The following CNTNAP3 variants were observed in gnomAD, a reference collection of about 807,000 sequenced individuals.
CNTNAP3 encodes the protein contactin associated protein family member 3.
Under a neutral mutation model 92.1 loss-of-function variants are expected in CNTNAP3, and 36 were observed. That is an observed-to-expected ratio of 0.39 (90% CI 0.30 to 0.52). CNTNAP3 has a LOEUF of 0.52. Ranked by LOEUF, CNTNAP3 falls within the 20% of genes least tolerant of loss-of-function variation. CNTNAP3 has a pLI of 0.76. For missense variants in CNTNAP3, 534 were observed against 1,069.6 expected, an observed-to-expected ratio of 0.50 and a Z score of 6.98; for synonymous variants, 232 against 422.3, an observed-to-expected ratio of 0.55 and a Z score of 5.53.
intron 9 of CNTNAP3, among the ~76,000 whole-genome samples, chr9:39,151,755 G>A (rs1011695269): frequency 3.4e-5 from 5 of 147,654 alleles, no homozygotes; most frequent in African/African-American, 1.3e-4. Context: ...TGTATATTAT[G>A]AAATTATATA....
intron 13 of CNTNAP3, among the ~76,000 whole-genome samples, chr9:39,129,219 G>A (rs1379670210): frequency 2.0e-5 from 3 of 152,154 alleles, no homozygotes; most frequent in African/African-American, 7.2e-5. Flanking sequence ...AAAGCAGGAG[G>A]AATAACTCAA....
At chr9:39,124,766 A>G (rs949870379) in intron 13 of CNTNAP3, among the ~76,000 whole-genome samples, 2 of 152,212 alleles carry the variant, frequency 1.3e-5, no homozygotes, top group African/African-American at 4.8e-5. Flanking sequence ...AATGCTCATC[A>G]TCACTGGCCA....
At chr9:39,159,588 TC>T (rs1470526740) in intron 9 of CNTNAP3, 1 of 140,342 alleles carries the variant, frequency 7.1e-6, no homozygotes, top group Non-Finnish European at 1.5e-5. Context: ...GGCCTCAGCC[TC>T]CCAGAGTGCT....
chr9:39,129,185 TAAAC>T (rs1445390815), intron 13 of CNTNAP3, among the ~76,000 whole-genome samples: 6 of 152,168 alleles, frequency 3.9e-5, no homozygotes, highest in Non-Finnish European at 8.8e-5. Flanking sequence ...CAGACTTACT[TAAAC>T]AATCTTGAAA....
intron 14 of CNTNAP3, among the ~76,000 whole-genome samples, chr9:39,115,611 G>T (rs971498568): frequency 6.6e-6 from 1 of 151,438 alleles, no homozygotes; most frequent in Admixed American, 6.6e-5. Flanking sequence ...ATAAAATAAG[G>T]TTAAAAAGCA....
At chr9:39,083,170 C>G (rs565295474) in intron 21 of CNTNAP3, among the ~76,000 whole-genome samples, 1 of 152,062 alleles carries the variant, frequency 6.6e-6, no homozygotes, top group African/African-American at 2.4e-5. Context: ...ATATCTAGAG[C>G]TCTATTTGAA....
chr9:39,091,855 TG>T (rs1278052869), intron 18 of CNTNAP3, among the ~76,000 whole-genome samples: 4 of 151,880 alleles, frequency 2.6e-5, no homozygotes, highest in African/African-American at 9.7e-5. Flanking sequence ...TGAAACCATC[TG>T]GACCTGGGCT....
chr9:39,121,287 A>C (rs1821012982), intron 13 of CNTNAP3, among the ~76,000 whole-genome samples: 3 of 152,252 alleles, frequency 2.0e-5, no homozygotes, highest in Middle Eastern at 6.8e-3. Context: ...CTTCAGAACA[A>C]AAATACTAGA....
chr9:39,117,815 T>A (rs1458645594), intron 14 of CNTNAP3: 6 of 406,410 alleles, frequency 1.5e-5, no homozygotes, highest in Non-Finnish European at 2.7e-5. Flanking sequence ...TAACTAAACT[T>A]CGCAGAGAAT....
intron 12 of CNTNAP3, among the ~76,000 whole-genome samples, chr9:39,137,921 G>GT (rs1207724437): frequency 6.6e-6 from 1 of 151,616 alleles, no homozygotes; most frequent in Non-Finnish European, 1.5e-5. Context: ...GTGCAGTGGT[G>GT]TGACCATGGC....
intron 14 of CNTNAP3, among the ~76,000 whole-genome samples, chr9:39,110,715 A>G (rs1826725062): frequency 6.6e-6 from 1 of 152,140 alleles, no homozygotes; most frequent in Non-Finnish European, 1.5e-5. Context: ...TTTATTATAT[A>G]TGTGTATGTA....
At chr9:39,105,062 T>A (rs1200875946) in intron 15 of CNTNAP3, among the ~76,000 whole-genome samples, 1 of 152,244 alleles carries the variant, frequency 6.6e-6, no homozygotes, top group African/African-American at 2.4e-5. Context: ...TTTATTCTGA[T>A]GGCTGCCAGT....
chr9:39,076,302 C>A (rs1417158138), intron 23 of CNTNAP3, among the ~76,000 whole-genome samples: 1 of 152,306 alleles, frequency 6.6e-6, no homozygotes, highest in Non-Finnish European at 1.5e-5. Context: ...TGAAAATGTT[C>A]GGCATGTTGA....
At chr9:39,123,474 C>A (rs2117998148) in intron 13 of CNTNAP3, among the ~76,000 whole-genome samples, 1 of 151,886 alleles carries the variant, frequency 6.6e-6, no homozygotes, top group African/African-American at 2.4e-5. Context: ...GAGTGAGAAC[C>A]AGAAGAAATA....
chr9:39,119,964 C>T (rs1041513720), intron 13 of CNTNAP3, among the ~76,000 whole-genome samples: 6 of 151,960 alleles, frequency 3.9e-5, no homozygotes, highest in African/African-American at 1.5e-4. Context: ...AAGAACTGAG[C>T]CATAGGGTCC....
At chr9:39,108,502 C>T (rs1826661938) in intron 15 of CNTNAP3, among the ~76,000 whole-genome samples, 1 of 152,170 alleles carries the variant, frequency 6.6e-6, no homozygotes, top group Non-Finnish European at 1.5e-5. Context: ...AATAAAAATA[C>T]ATTTAGTCTC....
chr9:39,097,666 G>T (rs1855007), intron 18 of CNTNAP3, among the ~76,000 whole-genome samples: 5 of 150,116 alleles, frequency 3.3e-5, no homozygotes, highest in African/African-American at 1.2e-4. Context: ...AGTATCTCTG[G>T]AGTAGGACCT....
intron 10 of CNTNAP3, among the ~76,000 whole-genome samples, chr9:39,146,931 C>A (rs1230605582): frequency 6.6e-6 from 1 of 152,158 alleles, no homozygotes; most frequent in Non-Finnish European, 1.5e-5. Flanking sequence ...CAAATCTCAT[C>A]TTGAATTGTA....
intron 13 of CNTNAP3, among the ~76,000 whole-genome samples, chr9:39,123,656 T>TATAAACATAATAAAA (rs1821090355): frequency 6.6e-6 from 1 of 151,980 alleles, no homozygotes; most frequent in African/African-American, 2.4e-5. Flanking sequence ...AATAAAATCT[T>TATAAACATAATAAAA]TTAAAAATAA....
Sources: allele counts gnomAD v4.1 joint callset (sites outside exome capture counted in the v4.1 genomes callset), GRCh38; gene constraint gnomAD v4.1.1; transcripts MANE v1.5; gene names NCBI Gene and HGNC (gene_info 2026-07-23, HGNC 2026-07-21).